PATJ: variants seen among roughly 807,000 people sequenced by gnomAD.
The protein encoded by PATJ is PATJ crumbs cell polarity complex component, also known as inaD-like protein.
PATJ carries 190 observed loss-of-function variants against 224.9 expected under a neutral mutation model. That is an observed-to-expected ratio of 0.84 (90% confidence interval 0.75 to 0.95). PATJ has a LOEUF of 0.95. PATJ is among the 40% of genes least tolerant of loss of function. PATJ has a pLI of 0.00. For synonymous variants in PATJ, 769 were observed against 820.3 expected (o/e 0.94, Z 1.07); for missense variants, 2,121 against 2,270.3 (o/e 0.93, Z 1.34).
chr1:61,837,789 T>TC (rs373127610), intron 17 of PATJ, among the ~76,000 whole-genome samples: 1 of 124,952 alleles, frequency 8.0e-6, no homozygotes, highest in Non-Finnish European at 1.6e-5. Flanking sequence ...GACTCTGTCT[T>TC]AAAAAAAAAA....
At chr1:62,109,789 CAT>C (rs2148875633) in intron 34 of PATJ, among the ~76,000 whole-genome samples, 1 of 152,322 alleles carries the variant, frequency 6.6e-6, no homozygotes, top group South Asian at 2.1e-4. Context: ...CTAAATCTAA[CAT>C]GTTCATTATC....
At chr1:62,013,506 C>T (rs1008449476) in intron 28 of PATJ, 201 of 984,690 alleles carry the variant, frequency 2.0e-4, no homozygotes, top group Non-Finnish European at 2.3e-4. Context: ...TGGCTCCTGC[C>T]CTAAGGAGCT....
At chr1:61,942,753 G>A (rs1242883219) in intron 27 of PATJ, among the ~76,000 whole-genome samples, 7 of 152,006 alleles carry the variant, frequency 4.6e-5, no homozygotes, top group African/African-American at 1.7e-4. Context: ...GTTTCACTGT[G>A]TTGGCCAGGC....
intron 31 of PATJ, among the ~76,000 whole-genome samples, chr1:62,057,553 T>A (rs972760639): frequency 6.6e-6 from 1 of 152,184 alleles, no homozygotes; most frequent in African/African-American, 2.4e-5. Context: ...GCACTGGCAG[T>A]CCATGAGAGA....
At chr1:62,154,681 G>A (rs1012071086) in intron 43 of PATJ, among the ~76,000 whole-genome samples, 2 of 151,090 alleles carry the variant, frequency 1.3e-5, no homozygotes, top group African/African-American at 4.9e-5. Context: ...GAGAGAGAGA[G>A]ATAAAGGTCT....
intron 34 of PATJ, among the ~76,000 whole-genome samples, chr1:62,110,994 A>C (rs1663741841): frequency 6.6e-6 from 1 of 152,194 alleles, no homozygotes; most frequent in African/African-American, 2.4e-5. Context: ...TTCTCTCATG[A>C]TTATCGGCAC....
At chr1:61,789,457 T>C (rs1239337459) in intron 8 of PATJ, among the ~76,000 whole-genome samples, 2 of 152,170 alleles carry the variant, frequency 1.3e-5, no homozygotes, top group African/African-American at 4.8e-5. Flanking sequence ...GGGAAGTTGT[T>C]GCCTTTCTCT....
chr1:61,840,484 T>A (rs1242507225), intron 17 of PATJ, among the ~76,000 whole-genome samples: 1 of 152,002 alleles, frequency 6.6e-6, no homozygotes, highest in Admixed American at 6.6e-5. Context: ...ATATAAGTAA[T>A]AGTACTTATT....
rs1411387425 is a variant in PATJ at position 62,128,103 on chromosome 1, G to C, written c.5166+9G>C. On this transcript the variant is annotated intron_variant, in intron 40 of 43. Coordinates refer to ENST00000642238, the MANE Select transcript of PATJ (RefSeq NM_001350145.3). ...GGACACAGAAGCTTAAAGTAAACGAGAGAACTGGTTGAAAGACTAACAATA... is the reference window on the plus strand; with the variant it reads ...GGACACAGAAGCTTAAAGTAAACGACAGAACTGGTTGAAAGACTAACAATA... 6.2e-7 allele frequency: 1 copy of C among 1,614,036 alleles called. No individual in the cohort carries two copies. The highest frequency in any genetic ancestry group is 1.1e-5 in the South Asian group (1 of 91,054).
chr1:61,743,223 G>A (rs1644853384), intron 1 of PATJ, among the ~76,000 whole-genome samples: 3 of 152,190 alleles, frequency 2.0e-5, no homozygotes, highest in Admixed American at 2.0e-4. Context: ...GTCGGAAAGT[G>A]CTTCCAGCCT....
chr1:61,771,680 A>G (rs978071045), intron 6 of PATJ, 54 bp downstream of exon 6: 4 of 1,269,360 alleles, frequency 3.2e-6, no homozygotes, highest in East Asian at 2.6e-5. Context: ...ATTGATCGTA[A>G]GAAGTGTAAA....
intron 27 of PATJ, among the ~76,000 whole-genome samples, chr1:61,958,867 C>A (rs974469416): frequency 1.3e-5 from 2 of 152,114 alleles, no homozygotes; most frequent in Non-Finnish European, 2.9e-5. Flanking sequence ...TCCTTCTAGT[C>A]CTGTGATTTT....
chr1:61,771,437 A>G lies in PATJ; in HGVS notation c.531A>G (p.Gln177=). Residue 177 remains glutamine (Q), a synonymous_variant, in exon 6 of 44, where the codon CAA becomes CAG. Transcript: ENST00000642238. ...CTTTTCTTACATGATTAAGGGATCA[A>G]AGATTAAAGGAAAATGATCAAATAT... ...VQPGSVADRD[Q]RLKENDQILA... is the part of the protein sequence containing the mutation. 2 of 1,582,382 alleles carry G rather than the reference A, an allele frequency of 1.3e-6. No homozygotes were observed. Among genetic ancestry groups the G allele is most frequent in the Non-Finnish European group, 1.7e-6 (2 of 1,167,078 alleles).
chr1:62,027,606 C>T (rs1352205406), intron 29 of PATJ, among the ~76,000 whole-genome samples: 2 of 136,260 alleles, frequency 1.5e-5, no homozygotes, highest in East Asian at 2.1e-4. Flanking sequence ...GTTTTAATTT[C>T]TTCATAACCT....
chr1:61,908,587 A>G, intron 25 of PATJ, 105 bp downstream of exon 25: 1 of 703,042 alleles, frequency 1.4e-6, no homozygotes, highest in Non-Finnish European at 2.5e-6. Flanking sequence ...TGTAGTTCCC[A>G]AACTATATTT....
chr1:62,079,640 C>T (rs1281806056), intron 32 of PATJ, 73 bp downstream of exon 32: 27 of 947,190 alleles, frequency 2.9e-5, no homozygotes, highest in Middle Eastern at 4.3e-4. Context: ...TGTCCTAAAA[C>T]GAGAACTGGA....
intron 24 of PATJ, among the ~76,000 whole-genome samples, chr1:61,903,177 G>A (rs1320104732): frequency 4.6e-5 from 7 of 152,210 alleles, no homozygotes; most frequent in Non-Finnish European, 1.0e-4. Flanking sequence ...GGCTTCAGGG[G>A]CAGGGATGGA....
chr1:62,043,305 G>A (rs1017557496), intron 30 of PATJ, among the ~76,000 whole-genome samples: 3 of 152,138 alleles, frequency 2.0e-5, no homozygotes, highest in African/African-American at 7.2e-5. Context: ...AATACCATTG[G>A]CACAATTCTA....
chr1:62,000,319 G>T (rs542365056), intron 28 of PATJ, among the ~76,000 whole-genome samples: 2 of 150,352 alleles, frequency 1.3e-5, no homozygotes, highest in East Asian at 4.0e-4. Context: ...TTTACGTTAG[G>T]TATATCTCCT....
Sources: gnomAD v4.1 joint callset for allele counts (sites outside exome capture counted in the v4.1 genomes callset) on GRCh38, gnomAD v4.1.1 for gene constraint, MANE v1.5 for transcripts, NCBI Gene and HGNC (gene_info 2026-07-23, HGNC 2026-07-21) for gene names.